CDH12: variants seen among roughly 807,000 people sequenced by gnomAD.
CDH12 encodes cadherin-12.
Under a neutral mutation model 74.1 loss-of-function variants are expected in CDH12, and 41 were observed. That is an observed-to-expected ratio of 0.55 (90% CI 0.43 to 0.72). The LOEUF is 0.72. CDH12 is among the 30% of genes least tolerant of loss of function. The pLI, the probability that CDH12 is intolerant of heterozygous loss-of-function variation, is 0.00. For missense variants in CDH12, 945 were observed against 977.2 expected, an observed-to-expected ratio of 0.97 and a Z score of 0.44; for synonymous variants, 399 against 355.0, an observed-to-expected ratio of 1.12 and a Z score of -1.39.
intron 4 of CDH12, among the ~76,000 whole-genome samples, chr5:22,116,708 C>T (rs140473580): frequency 5.9e-5 from 9 of 151,908 alleles, no homozygotes; most frequent in Non-Finnish European, 1.2e-4. Flanking sequence ...GTAGCCCCAC[C>T]ACAGTAGACT....
At chr5:22,713,174 C>T (rs1743379834) in intron 1 of CDH12, among the ~76,000 whole-genome samples, 1 of 115,688 alleles carries the variant, frequency 8.6e-6, no homozygotes, top group South Asian at 2.9e-4. Context: ...TGGAGTCTTG[C>T]TCTCCCGCCC....
intron 4 of CDH12, among the ~76,000 whole-genome samples, chr5:22,165,693 G>C (rs7445689): frequency 0.98 from 149,608 of 152,294 alleles, 73,534 homozygotes; most frequent in East Asian, 1. Context: ...TTCTAAGTCA[G>C]AAGATGAGAT....
intron 9 of CDH12, among the ~76,000 whole-genome samples, chr5:21,804,460 C>A (rs1747313833): frequency 6.6e-6 from 1 of 151,986 alleles, no homozygotes; most frequent in South Asian, 2.1e-4. Flanking sequence ...ACAATTACTG[C>A]CAAGGCAAGG....
intron 3 of CDH12, among the ~76,000 whole-genome samples, chr5:22,379,431 C>T (rs1158974850): frequency 1.3e-5 from 2 of 152,098 alleles, no homozygotes; most frequent in African/African-American, 2.4e-5. Context: ...ACCCAAGTCA[C>T]GTTCCAAGTT....
chr5:22,433,270 T>C (rs1249969841), intron 2 of CDH12, among the ~76,000 whole-genome samples: 1 of 152,224 alleles, frequency 6.6e-6, no homozygotes, highest in Non-Finnish European at 1.5e-5. Context: ...CAATGAAGAA[T>C]AACATTTGCC....
chr5:22,651,250 C>T (rs1168694842), intron 1 of CDH12, among the ~76,000 whole-genome samples: 1 of 152,052 alleles, frequency 6.6e-6, no homozygotes, highest in African/African-American at 2.4e-5. Flanking sequence ...TATATCCATT[C>T]TCTGCTCTAT....
intron 5 of CDH12, among the ~76,000 whole-genome samples, chr5:21,991,436 T>A (rs1275188686): frequency 8.6e-6 from 1 of 115,954 alleles, no homozygotes; most frequent in Non-Finnish European, 1.8e-5. Flanking sequence ...TTTCTTTTGC[T>A]CAGACAAGCA....
intron 1 of CDH12, among the ~76,000 whole-genome samples, chr5:22,690,836 A>G (rs1041700341): frequency 6.6e-6 from 1 of 152,096 alleles, no homozygotes; most frequent in Non-Finnish European, 1.5e-5. Flanking sequence ...TTATTCTCTT[A>G]TAAACAGACT....
chr5:22,657,320 G>A (rs1261798854), intron 1 of CDH12, among the ~76,000 whole-genome samples: 5 of 152,034 alleles, frequency 3.3e-5, no homozygotes, highest in Non-Finnish European at 7.4e-5. Context: ...GCAATCTGGA[G>A]GCTGATTATG....
At chr5:22,572,557 C>T (rs1327730689) in intron 1 of CDH12, among the ~76,000 whole-genome samples, 1 of 151,790 alleles carries the variant, frequency 6.6e-6, no homozygotes, top group Non-Finnish European at 1.5e-5. Context: ...TCAAATCTTC[C>T]CTCTGAACTC....
At chr5:22,769,583 T>A (rs1433954004) in intron 1 of CDH12, among the ~76,000 whole-genome samples, 1 of 151,992 alleles carries the variant, frequency 6.6e-6, no homozygotes, top group East Asian at 1.9e-4. Context: ...ATTGTGTGAG[T>A]CAGTTCTCCT....
At chr5:22,566,144 G>GT (rs1295368305) in intron 1 of CDH12, among the ~76,000 whole-genome samples, 1 of 151,928 alleles carries the variant, frequency 6.6e-6, no homozygotes, top group Non-Finnish European at 1.5e-5. Flanking sequence ...AGAATATATC[G>GT]TAAGGGCCTG....
At chr5:22,452,707 C>G (rs1745092855) in intron 2 of CDH12, among the ~76,000 whole-genome samples, 1 of 150,912 alleles carries the variant, frequency 6.6e-6, no homozygotes, top group Non-Finnish European at 1.5e-5. Context: ...GCAACTGAAG[C>G]AAAAATAGGC....
chr5:22,060,103 G>C (rs1206610108), intron 5 of CDH12, among the ~76,000 whole-genome samples: 1 of 152,104 alleles, frequency 6.6e-6, no homozygotes, highest in African/African-American at 2.4e-5. Context: ...AGCTCTAGGA[G>C]CATATGATTT....
intron 4 of CDH12, among the ~76,000 whole-genome samples, chr5:22,120,848 T>C (rs964060971): frequency 6.6e-6 from 1 of 152,206 alleles, no homozygotes; most frequent in African/African-American, 2.4e-5. Flanking sequence ...ACCTCAAATG[T>C]ACAGGTTTTT....
intron 4 of CDH12, among the ~76,000 whole-genome samples, chr5:22,190,354 GTCTGTCTATCTATCTA>G (rs1238540384): frequency 7.4e-5 from 11 of 149,298 alleles, no homozygotes; most frequent in East Asian, 2.0e-4. Context: ...CCATCTGTCT[GTCTGTCTATCTATCTA>G]TCTATCTATC....
In CDH12 at chr5:22,790,591, T is replaced by C. The variant is rs145297853; in HGVS notation, c.-523+62467A>G. ...TCTGTTTGGAAATCTTTCAAATATT[T>C]GAAGAAATCTATATTGAGAAAATAT... On this transcript the variant is annotated intron_variant, in intron 1 of 14. Transcript: ENST00000382254. Among the ~76,000 whole-genome samples the C allele has an allele frequency of 5.9e-5, 9 of 151,910 alleles. No individual in the cohort carries two copies. In the East Asian group the frequency reaches 1.5e-3, roughly 26 times the overall value.
At chr5:22,777,653 C>T (rs1055034130) in intron 1 of CDH12, among the ~76,000 whole-genome samples, 3 of 151,498 alleles carry the variant, frequency 2.0e-5, no homozygotes, top group South Asian at 4.2e-4. Context: ...CTGGTAAATG[C>T]CTTTTTATGT....
chr5:22,340,262 C>T (rs1032872443), intron 3 of CDH12, among the ~76,000 whole-genome samples: 2 of 152,200 alleles, frequency 1.3e-5, no homozygotes, highest in African/African-American at 4.8e-5. Flanking sequence ...TGCCGTGGCT[C>T]ACGCCTGTAA....
Sources: allele counts gnomAD v4.1 joint callset (sites outside exome capture counted in the v4.1 genomes callset), GRCh38; gene constraint gnomAD v4.1.1; transcripts MANE v1.5; gene names NCBI Gene and HGNC (gene_info 2026-07-23, HGNC 2026-07-21).